Variants in COL11A1 observed in about 807,000 individuals in gnomAD.
COL11A1 encodes collagen alpha-1(XI) chain.
In COL11A1, 74 loss-of-function variants were observed where a neutral mutation model predicts 265.2. That is an observed-to-expected ratio of 0.28 (90% CI 0.23 to 0.34). The LOEUF (loss-of-function observed/expected upper bound fraction) is 0.34, where lower values mean the gene tolerates loss of function less well. Among genes scored for constraint, COL11A1 ranks in the 10% least tolerant of loss-of-function variants. COL11A1 has a pLI of 1.00. For synonymous variants in COL11A1, 816 were observed against 727.6 expected, an observed-to-expected ratio of 1.12 and a Z score of -1.96; for missense variants, 2,165 against 2,263.6, an observed-to-expected ratio of 0.96 and a Z score of 0.88.
chr1:103,054,599 A>T (rs1670086982), intron 4 of COL11A1, among the ~76,000 whole-genome samples: 1 of 149,856 alleles, frequency 6.7e-6, no homozygotes, highest in African/African-American at 2.4e-5. Flanking sequence ...GTTTCTAAAA[A>T]AAAGAAAAAA....
In COL11A1 at chr1:102,970,292, A is replaced by C. The variant is rs1371960003; in HGVS notation, c.2809-20T>G. On this transcript the variant is annotated intron_variant, in intron 36 of 66. Coordinates refer to ENST00000370096, the MANE Select transcript of COL11A1 (RefSeq NM_001854.4). ...TGGTCCCTGAAATTACAAATATTAA[A>C]TACCACATGTCATAAATATTTAATT... The C allele has an allele frequency of 3.2e-6, 5 of 1,583,904 alleles. No individual in the cohort carries two copies.
At chr1:103,102,867 G>A (rs915792034) in intron 1 of COL11A1, among the ~76,000 whole-genome samples, 1 of 151,890 alleles carries the variant, frequency 6.6e-6, no homozygotes, top group African/African-American at 2.4e-5. Flanking sequence ...AATTTGGTGG[G>A]AATACTAGTT....
chr1:102,950,522 T>C (rs1190198885), intron 41 of COL11A1, among the ~76,000 whole-genome samples: 5 of 152,106 alleles, frequency 3.3e-5, no homozygotes, highest in African/African-American at 9.7e-5. Context: ...CTAGAAAATA[T>C]TCAACTCACA....
At chr1:102,889,046 A>C (rs1651394321) in intron 59 of COL11A1, 127 bp from the exon 60 acceptor site, 1 of 864,722 alleles carries the variant, frequency 1.2e-6, no homozygotes. Context: ...ATATTTATGA[A>C]TGGCTTAAAC....
chr1:102,914,060 A>AAAT (rs1655017711), intron 52 of COL11A1, among the ~76,000 whole-genome samples: 1 of 152,174 alleles, frequency 6.6e-6, no homozygotes, highest in Non-Finnish European at 1.5e-5. Flanking sequence ...TGTAACTTTG[A>AAAT]AATAATAATA....
rs370614034 is a variant in COL11A1 at position 102,962,579 on chromosome 1, T to C, written c.3024+74A>G. On this transcript the variant is annotated intron_variant, in intron 39 of 66. Coordinates refer to ENST00000370096, the MANE Select transcript of COL11A1 (RefSeq NM_001854.4). The stretch of plus-strand genomic sequence containing the variant: ...CTGACATTCATTTAAATGGAATCTG[T>C]AGACAAGGGGTGAGTATAGTTAAAC... The C allele has an allele frequency of 1.7e-5, 21 of 1,265,234 alleles. 1 individual carries two copies. In the African/African-American group the frequency reaches 1.8e-4, roughly 11 times the overall value. 78.4% of individuals were successfully genotyped at this position (1,265,234 alleles called of 1,614,324 possible). A position where few individuals can be genotyped will look rare whatever the true frequency, so the allele number is the denominator to read the frequency against.
intron 23 of COL11A1, among the ~76,000 whole-genome samples, 191 bp from the exon 24 acceptor site, chr1:103,002,160 T>C (rs1665168464): frequency 6.6e-6 from 1 of 152,138 alleles, no homozygotes; most frequent in Non-Finnish European, 1.5e-5. Flanking sequence ...AAAGGGACTA[T>C]AATGCGATCC....
chr1:103,098,726 G>A (rs570542093), intron 1 of COL11A1, among the ~76,000 whole-genome samples: 1 of 151,934 alleles, frequency 6.6e-6, no homozygotes, highest in East Asian at 1.9e-4. Context: ...TAAGTATAGT[G>A]TGCTTTATAA....
At chr1:102,908,072 G>C (rs142086290) in intron 54 of COL11A1, among the ~76,000 whole-genome samples, 4,827 of 151,996 alleles carry the variant, frequency 0.032, 106 homozygotes, top group Middle Eastern at 0.085. Context: ...CCCAATACTT[G>C]GTTTGTCAGA....
At chr1:102,878,352 A>G (rs1008935191) in intron 66 of COL11A1, among the ~76,000 whole-genome samples, 187 bp from the exon 67 acceptor site, 3 of 150,678 alleles carry the variant, frequency 2.0e-5, no homozygotes, top group Non-Finnish European at 3.0e-5. Context: ...ATTGATTAGT[A>G]CATTTAATAC....
chr1:102,976,519 G>A (rs904362264), intron 35 of COL11A1, among the ~76,000 whole-genome samples: 7 of 151,770 alleles, frequency 4.6e-5, no homozygotes, highest in Admixed American at 1.3e-4. Flanking sequence ...GGCTGGTCTC[G>A]AACTCCTGAC....
chr1:102,985,707 G>A (rs1288563294), intron 30 of COL11A1, among the ~76,000 whole-genome samples: 2 of 152,104 alleles, frequency 1.3e-5, no homozygotes, highest in African/African-American at 4.8e-5. Context: ...AAAGAACTGT[G>A]GGGTAGTTTA....
chr1:102,913,520 C>A, intron 53 of COL11A1, 117 bp downstream of exon 53: 2 of 947,500 alleles, frequency 2.1e-6, no homozygotes, highest in Admixed American at 2.2e-5. Context: ...ATAATTCTTT[C>A]AAAAAAGTGC....
chr1:102,921,782 A>G (rs1454829507), intron 47 of COL11A1, among the ~76,000 whole-genome samples: 1 of 152,238 alleles, frequency 6.6e-6, no homozygotes, highest in East Asian at 1.9e-4. Context: ...TAGGATTTCA[A>G]GAGAAACAAT....
chr1:102,947,874 C>A (rs1431760138), intron 41 of COL11A1, among the ~76,000 whole-genome samples: 5 of 151,666 alleles, frequency 3.3e-5, no homozygotes, highest in African/African-American at 1.2e-4. Flanking sequence ...TCTTTGGATT[C>A]TCAGAGGGGT....
intron 1 of COL11A1, chr1:103,100,234 A>G (rs1163154249): frequency 2.0e-5 from 3 of 151,900 alleles, no homozygotes; most frequent in Non-Finnish European, 4.4e-5. Context: ...GAACTTCCAT[A>G]CACCAATCCC....
chr1:102,943,462 C>T (rs759902394), intron 42 of COL11A1, among the ~76,000 whole-genome samples: 11 of 97,014 alleles, frequency 1.1e-4, no homozygotes, highest in East Asian at 2.5e-4. Flanking sequence ...TACACACACA[C>T]ACACACACAC....
chr1:103,020,540 G>A (rs1246309916), intron 9 of COL11A1, among the ~76,000 whole-genome samples: 1 of 56,062 alleles, frequency 1.8e-5, no homozygotes, highest in Non-Finnish European at 3.5e-5. Flanking sequence ...TTTGTAGGTT[G>A]CCTGTTCACT....
At chr1:103,050,762 C>A (rs1237218858) in intron 4 of COL11A1, among the ~76,000 whole-genome samples, 1 of 152,084 alleles carries the variant, frequency 6.6e-6, no homozygotes, top group Non-Finnish European at 1.5e-5. Flanking sequence ...ATGATGGTGA[C>A]GTACAGATGG....
Sources: gnomAD v4.1 joint callset for allele counts (sites outside exome capture counted in the v4.1 genomes callset) on GRCh38, gnomAD v4.1.1 for gene constraint, MANE v1.5 for transcripts, NCBI Gene and HGNC (gene_info 2026-07-23, HGNC 2026-07-21) for gene names.